Variants in EVA1A observed in about 807,000 individuals in gnomAD.
The protein encoded by EVA1A is protein eva-1 homolog A.
In EVA1A, 7 loss-of-function variants were observed where a neutral mutation model predicts 9.8. The observed-to-expected ratio is 0.71, with a 90% confidence interval of 0.41 to 1.34. The LOEUF (loss-of-function observed/expected upper bound fraction) is 1.34. Among genes scored for constraint, EVA1A ranks in the 40% most tolerant of loss-of-function variants. The pLI is 0.01. For synonymous variants in EVA1A, 90 were observed against 85.6 expected (o/e 1.05, Z -0.28); for missense variants, 206 against 205.9 (o/e 1.00, Z 0.00).
intron 1 of EVA1A, among the ~76,000 whole-genome samples, chr2:75,553,689 T>C (rs1402464525): frequency 6.6e-6 from 1 of 152,202 alleles, no homozygotes; most frequent in African/African-American, 2.4e-5. Flanking sequence ...AGACTAAATG[T>C]CCAGTCATTG....
chr2:75,504,423 A>G (rs918997470), intron 3 of EVA1A, among the ~76,000 whole-genome samples: 2 of 152,196 alleles, frequency 1.3e-5, no homozygotes, highest in Non-Finnish European at 2.9e-5. Context: ...ACAAACAAAC[A>G]AACAAACAAA....
chr2:75,530,270 T>TA (rs549461473), intron 1 of EVA1A, among the ~76,000 whole-genome samples: 53 of 143,872 alleles, frequency 3.7e-4, no homozygotes, highest in East Asian at 1.2e-3. Flanking sequence ...AAGTTGCCAA[T>TA]AAAAAAAAAA....
intron 1 of EVA1A, among the ~76,000 whole-genome samples, chr2:75,531,872 C>T (rs545211051): frequency 7.2e-5 from 11 of 152,046 alleles, no homozygotes; most frequent in African/African-American, 1.2e-4. Context: ...AACTTATCCA[C>T]GTAATGGCTG....
chr2:75,546,160 G>A (rs1436916037), intron 1 of EVA1A, among the ~76,000 whole-genome samples: 4 of 152,192 alleles, frequency 2.6e-5, no homozygotes, highest in African/African-American at 9.6e-5. Flanking sequence ...CCTAGCAACA[G>A]TAGGGAGCCA....
chr2:75,538,297 C>T (rs767741179), intron 1 of EVA1A, among the ~76,000 whole-genome samples: 31 of 151,864 alleles, frequency 2.0e-4, no homozygotes, highest in Non-Finnish European at 4.1e-4. Context: ...TCCATTCCCA[C>T]CAACAAAAAA....
At chr2:75,550,290 C>T (rs540636156) in intron 1 of EVA1A, among the ~76,000 whole-genome samples, 10 of 152,206 alleles carry the variant, frequency 6.6e-5, no homozygotes, top group Non-Finnish European at 1.5e-4. Flanking sequence ...AAACAACTCT[C>T]TGTCTCCTCT....
At chr2:75,546,920 A>C (rs1356382272) in intron 1 of EVA1A, among the ~76,000 whole-genome samples, 5 of 151,542 alleles carry the variant, frequency 3.3e-5, no homozygotes, top group Non-Finnish European at 5.9e-5. Context: ...AAAAAAAAAA[A>C]AAAAAAACAC....
chr2:75,567,788 T>G (rs1028583070), intron 1 of EVA1A, among the ~76,000 whole-genome samples: 2 of 152,196 alleles, frequency 1.3e-5, no homozygotes, highest in African/African-American at 4.8e-5. Flanking sequence ...CTTAAACCAG[T>G]GTCCGCGACC....
chr2:75,539,635 T>C (rs1439986374), intron 1 of EVA1A, among the ~76,000 whole-genome samples: 2 of 152,314 alleles, frequency 1.3e-5, no homozygotes, highest in East Asian at 3.9e-4. Context: ...ATTTGAAGAT[T>C]ATTGCAATAG....
exon 1 of EVA1A, chr2:75,569,530 G>A (rs1346880719): frequency 6.6e-6 from 1 of 152,286 alleles, no homozygotes; most frequent in Admixed American, 6.6e-5. Flanking sequence ...CTTGGTAACA[G>A]ACACATCTGT....
At chr2:75,530,163 T>A (rs905282332) in intron 1 of EVA1A, among the ~76,000 whole-genome samples, 1 of 152,082 alleles carries the variant, frequency 6.6e-6, no homozygotes, top group African/African-American at 2.4e-5. Context: ...GATGAATAAA[T>A]TCCTGGAAAT....
intron 1 of EVA1A, among the ~76,000 whole-genome samples, chr2:75,559,512 T>C (rs189840263): frequency 6.6e-6 from 1 of 152,326 alleles, no homozygotes; most frequent in African/African-American, 2.4e-5. Flanking sequence ...TGAACAGTAT[T>C]ACACATTTCG....
chr2:75,554,458 C>T (rs981284151), intron 1 of EVA1A, among the ~76,000 whole-genome samples: 4 of 151,972 alleles, frequency 2.6e-5, no homozygotes, highest in East Asian at 1.9e-4. Context: ...GGGGGAAAAG[C>T]GGGGAGGAAA....
chr2:75,510,802 C>G (rs1674786428), intron 3 of EVA1A, among the ~76,000 whole-genome samples: 1 of 152,136 alleles, frequency 6.6e-6, no homozygotes, highest in African/African-American at 2.4e-5. Flanking sequence ...AAAAAATGAA[C>G]AAGACATATG....
In EVA1A at chr2:75,493,328, G is replaced by A. The variant is rs969606045; in HGVS notation, c.367C>T (p.Arg123Trp). The change falls in exon 4 of 4, where the codon CGG becomes TGG. Residue 123 changes from arginine to tryptophan, a missense_variant. Physicochemically the swap from Arg to Trp is moderately radical, Grantham distance 101. Transcript: ENST00000393913. The stretch of plus-strand genomic sequence containing the variant: ...ATGATGCGCTCGCGCTCCTCCAGCC[G>A]CTGGGCGCGCTCCAGCTCCTCCGCA... ...TSAEELERAQ[R>W]LEERERIIRE... 2.5e-6 allele frequency: 4 copies of A among 1,614,052 alleles called. No individual in the cohort carries two copies. The highest frequency in any genetic ancestry group is 2.2e-5 in the East Asian group (1 of 44,882).
chr2:75,531,017 A>G (rs1675629090), intron 1 of EVA1A, among the ~76,000 whole-genome samples: 1 of 152,214 alleles, frequency 6.6e-6, no homozygotes, highest in African/African-American at 2.4e-5. Context: ...AGACTCATCA[A>G]AAAGCTCCTA....
At position 75,506,310 on chromosome 2, in the gene EVA1A, A is replaced by C. The variant is rs189115296; in HGVS notation, c.85+11746T>G. 8.9e-4 allele frequency among the ~76,000 whole-genome samples: 136 copies of C among 152,360 alleles called. 2 individuals are homozygous for C. Among genetic ancestry groups the C allele is most frequent in the Admixed American group, 8.9e-3 (136 of 15,310 alleles). On this transcript the variant is annotated intron_variant, in intron 3 of 3. Transcript: ENST00000393913. ...GGAATCTCTGTGTCAAACAGGATAC[A>C]TACTATTATAGCTCTTGATACACAT...
intron 1 of EVA1A, among the ~76,000 whole-genome samples, chr2:75,523,754 T>C (rs1012908572): frequency 4.6e-5 from 7 of 152,196 alleles, no homozygotes; most frequent in African/African-American, 1.4e-4. Context: ...TTATCTTTGT[T>C]CTCAGAGTTT....
chr2:75,517,653 ACT>A (rs1392989601), intron 3 of EVA1A, among the ~76,000 whole-genome samples: 10 of 152,032 alleles, frequency 6.6e-5, no homozygotes, highest in African/African-American at 9.6e-5. Context: ...ATAAACATAT[ACT>A]CTCTCTCCCA....
Sources: allele counts gnomAD v4.1 joint callset (sites outside exome capture counted in the v4.1 genomes callset), GRCh38; gene constraint gnomAD v4.1.1; transcripts MANE v1.5; gene names NCBI Gene and HGNC (gene_info 2026-07-23, HGNC 2026-07-21).